ZZZ3: variants seen among roughly 807,000 people sequenced by gnomAD.
ZZZ3 encodes ZZ-type zinc finger-containing protein 3.
ZZZ3 carries 22 observed loss-of-function variants against 95.2 expected under a neutral mutation model. The observed-to-expected ratio is 0.23, with a 90% confidence interval of 0.17 to 0.33. The LOEUF is 0.33. Ranked by LOEUF, ZZZ3 falls within the 10% of genes least tolerant of loss-of-function variation. The pLI is 1.00. For missense variants in ZZZ3, 885 were observed against 1,066.5 expected, an observed-to-expected ratio of 0.83 and a Z score of 2.37; for synonymous variants, 335 against 358.9, an observed-to-expected ratio of 0.93 and a Z score of 0.75.
Position 77,565,489 on chromosome 1 carries a change from GA to G in ZZZ3, c.*150del. On this transcript the variant is annotated 3_prime_UTR_variant, in exon 15 of 15. Coordinates refer to ENST00000370801, the MANE Select transcript of ZZZ3 (RefSeq NM_015534.6). ...AGTGATCTAGAGCCACAACGGTGCA[GA>G]GCTGTACTTGACGAGAACACTCAGG... 1.3e-6 allele frequency: 1 copy of G among 740,922 alleles called. No homozygotes were observed. Among genetic ancestry groups the G allele is most frequent in the African/African-American group, 1.8e-5 (1 of 56,408 alleles). 45.9% of individuals were successfully genotyped at this position (740,922 alleles called of 1,614,324 possible).
chr1:77,568,821 T>G (rs1661090119), intron 12 of ZZZ3, among the ~76,000 whole-genome samples: 3 of 152,162 alleles, frequency 2.0e-5, no homozygotes, highest in Admixed American at 1.3e-4. Context: ...CTCCCTCATT[T>G]AAGGAAGTTC....
At chr1:77,573,931 AAAT>A (rs1415108619) in intron 12 of ZZZ3, among the ~76,000 whole-genome samples, 1 of 151,796 alleles carries the variant, frequency 6.6e-6, no homozygotes, top group Non-Finnish European at 1.5e-5. Context: ...CAGGAATAGT[AAAT>A]AATAAAAAAT....
At chr1:77,670,129 A>C (rs1671623541) in intron 1 of ZZZ3, among the ~76,000 whole-genome samples, 1 of 150,392 alleles carries the variant, frequency 6.6e-6, no homozygotes, top group African/African-American at 2.4e-5. Flanking sequence ...GTCTATTATC[A>C]AGCAAATCTC....
intron 1 of ZZZ3, among the ~76,000 whole-genome samples, chr1:77,644,594 T>C (rs1018500934): frequency 4.6e-5 from 7 of 152,204 alleles, no homozygotes; most frequent in Non-Finnish European, 1.0e-4. Context: ...GAAATGTGAT[T>C]CTCTGTCATC....
At chr1:77,604,632 T>C (rs1401435297) in intron 5 of ZZZ3, among the ~76,000 whole-genome samples, 5 of 152,222 alleles carry the variant, frequency 3.3e-5, no homozygotes, top group South Asian at 2.1e-4. Context: ...CCTTGTTGAA[T>C]GGCTGTATAC....
At chr1:77,597,736 C>G (rs1664346685) in intron 5 of ZZZ3, among the ~76,000 whole-genome samples, 1 of 152,002 alleles carries the variant, frequency 6.6e-6, no homozygotes. Flanking sequence ...AACAACAAGG[C>G]AAGTCTGAAA....
At chr1:77,673,962 T>G (rs1192424419) in intron 1 of ZZZ3, among the ~76,000 whole-genome samples, 1 of 149,506 alleles carries the variant, frequency 6.7e-6, no homozygotes, top group Non-Finnish European at 1.5e-5. Context: ...AGCCATTAGC[T>G]GGCCAGGAAT....
At chr1:77,580,918 A>G (rs1662448000) in intron 9 of ZZZ3, 80 bp downstream of exon 9, 1 of 1,201,828 alleles carries the variant, frequency 8.3e-7, no homozygotes. Context: ...GAGCCACTGG[A>G]CCTGGCCTCA....
intron 5 of ZZZ3, among the ~76,000 whole-genome samples, chr1:77,625,108 A>T (rs1667223765): frequency 6.6e-6 from 1 of 152,216 alleles, no homozygotes. Flanking sequence ...ATAAAAAATT[A>T]CCAAAATTAA....
Position 77,632,720 on chromosome 1 carries a change from A to G in ZZZ3, c.635T>C (p.Val212Ala). 1.9e-6 allele frequency: 3 copies of G among 1,614,208 alleles called. No individual in the cohort carries two copies. The highest frequency in any genetic ancestry group is 2.2e-5 in the South Asian group (2 of 91,086). ...AGGCTGACAGTCATCACAGTTTATAACAGCTGAATCACTGTCATCAACACC... is the reference window on the plus strand; with the variant it reads ...AGGCTGACAGTCATCACAGTTTATAGCAGCTGAATCACTGTCATCAACACC... ...VNGVDDSDSA[V>A]INCDDCQPDG... The change falls in exon 5 of 15, where the codon GTT (valine) becomes GCT (alanine). Residue 212 changes from valine to alanine, a missense_variant. Val to Ala is a moderately conservative substitution (Grantham distance 64). Coordinates refer to ENST00000370801, the MANE Select transcript of ZZZ3 (RefSeq NM_015534.6).
chr1:77,661,685 C>T (rs986520252), intron 1 of ZZZ3, among the ~76,000 whole-genome samples: 2 of 152,158 alleles, frequency 1.3e-5, no homozygotes, highest in African/African-American at 4.8e-5. Flanking sequence ...ATTATCATTC[C>T]ATATCAGATT....
At position 77,665,307 on chromosome 1, in the gene ZZZ3, C is replaced by T. The variant is rs138708701; in HGVS notation, c.-403+17278G>A. The stretch of plus-strand genomic sequence containing the variant: ...AAAACCACCTAGACAAAGACAGCTT[C>T]CAAGGCCAATGTCAAGCTGATAAAC... On this transcript the variant is annotated intron_variant, in intron 1 of 14. Coordinates refer to ENST00000370801, the MANE Select transcript of ZZZ3 (RefSeq NM_015534.6). Among the ~76,000 whole-genome samples the T allele has an allele frequency of 3.4e-3, 517 of 152,244 alleles. 2 individuals carry two copies. Among genetic ancestry groups the T allele is most frequent in the Non-Finnish European group, 4.8e-3 (327 of 68,022 alleles).
Position 77,582,000 on chromosome 1 carries a change from C to T in ZZZ3, c.1771G>A (p.Val591Ile). 3 of 1,604,960 alleles carry T rather than the reference C, an allele frequency of 1.9e-6. No individual in the cohort carries two copies. Among genetic ancestry groups the T allele is most frequent in the Non-Finnish European group, 8.5e-7 (1 of 1,173,486 alleles). The change falls in exon 7 of 15, where the codon GTT becomes ATT. Residue 591 changes from valine to isoleucine, a missense_variant. Physicochemically the swap from Val to Ile is conservative, Grantham distance 29. Transcript: ENST00000370801. ...FKNRKRHTRR[V>I]KLVFDKVGLP... The stretch of plus-strand genomic sequence containing the variant: ...TTACCTTTATCAAAAACTAGCTTAA[C>T]TCTTCTAGTATGTCTTTTACGATTT...
At chr1:77,595,255 A>C (rs1235546758) in intron 5 of ZZZ3, among the ~76,000 whole-genome samples, 1 of 152,070 alleles carries the variant, frequency 6.6e-6, no homozygotes, top group African/African-American at 2.4e-5. Flanking sequence ...AATTTGCCAG[A>C]GTTTTAATGA....
At chr1:77,600,978 G>A (rs1339210391) in intron 5 of ZZZ3, among the ~76,000 whole-genome samples, 1 of 152,078 alleles carries the variant, frequency 6.6e-6, no homozygotes, top group African/African-American at 2.4e-5. Flanking sequence ...CAAAAGTTTT[G>A]CATTTTACAA....
chr1:77,674,450 G>A (rs1331274341), intron 1 of ZZZ3, among the ~76,000 whole-genome samples: 2 of 152,144 alleles, frequency 1.3e-5, no homozygotes, highest in African/African-American at 4.8e-5. Context: ...TTGGTGAGGG[G>A]TGGCACCTAG....
chr1:77,589,436 ATTTAT>A (rs1663441678), intron 5 of ZZZ3, among the ~76,000 whole-genome samples: 1 of 150,672 alleles, frequency 6.6e-6, no homozygotes, highest in Non-Finnish European at 1.5e-5. Flanking sequence ...TTATTTATTT[ATTTAT>A]TTATTTATTT....
At chr1:77,599,257 T>C (rs1193353833) in intron 5 of ZZZ3, among the ~76,000 whole-genome samples, 2 of 152,078 alleles carry the variant, frequency 1.3e-5, no homozygotes, top group Non-Finnish European at 2.9e-5. Flanking sequence ...AGCTATTTGC[T>C]ACCTTATATT....
At chr1:77,569,941 G>A (rs1228443008) in intron 12 of ZZZ3, among the ~76,000 whole-genome samples, 2 of 151,982 alleles carry the variant, frequency 1.3e-5, no homozygotes, top group Non-Finnish European at 2.9e-5. Context: ...CCAATTCTCT[G>A]ATCCATGCTC....
Sources: gnomAD v4.1 joint callset for allele counts (sites outside exome capture counted in the v4.1 genomes callset) on GRCh38, gnomAD v4.1.1 for gene constraint, MANE v1.5 for transcripts, NCBI Gene and HGNC (gene_info 2026-07-23, HGNC 2026-07-21) for gene names.